CSMD1: variants seen among roughly 807,000 people sequenced by gnomAD.
CSMD1 encodes the protein CUB and sushi domain-containing protein 1.
Under a neutral mutation model 417.5 loss-of-function variants are expected in CSMD1, and 213 were observed. The ratio of observed to expected loss-of-function variants is 0.51; its 90% CI spans 0.46 to 0.57. The LOEUF is 0.57. CSMD1 is among the 20% of genes least tolerant of loss of function. The probability of loss-of-function intolerance (pLI) is 0.00; values close to 1 mark genes in which losing one functional copy is unlikely to be tolerated. For missense variants in CSMD1, 6,923 were observed against 4,529.7 expected, an observed-to-expected ratio of 1.53 and a Z score of -15.17; for synonymous variants, 2,862 against 1,736.8, an observed-to-expected ratio of 1.65 and a Z score of -16.11.
intron 1 of CSMD1, among the ~76,000 whole-genome samples, chr8:4,988,288 C>G (rs2977732): frequency 0.69 from 104,823 of 152,118 alleles, 37,360 homozygotes; most frequent in African/African-American, 0.85. Flanking sequence ...CATTAAGATG[C>G]AAGTATCAAA....
In CSMD1 at chr8:3,237,434, G is replaced by A. The variant is rs569981289; in HGVS notation, c.4154-7203C>T. Among the ~76,000 whole-genome samples the A allele has an allele frequency of 8.6e-5, 13 of 151,064 alleles. No individual in the cohort carries two copies. In the East Asian group the frequency reaches 2.3e-3, roughly 27 times the overall value. Reference sequence around the variant, plus strand: ...ATGGCACCATTGTACTCCAGCATGGGCAACAGGGCGAGACTCCATCTCAAA... The same window carrying A: ...ATGGCACCATTGTACTCCAGCATGGACAACAGGGCGAGACTCCATCTCAAA... On this transcript the variant is annotated intron_variant, in intron 26 of 69. Coordinates refer to ENST00000635120, the MANE Select transcript of CSMD1 (RefSeq NM_033225.6).
intron 21 of CSMD1, among the ~76,000 whole-genome samples, chr8:3,355,366 T>G (rs1170356846): frequency 6.6e-6 from 1 of 152,208 alleles, no homozygotes; most frequent in Admixed American, 6.5e-5. Flanking sequence ...ATATATACTC[T>G]CTAACTTTGC....
At position 4,565,696 on chromosome 8, in the gene CSMD1, T is replaced by C. The variant is rs370349381; in HGVS notation, c.302+71646A>G. Among the ~76,000 whole-genome samples, 14 of 148,126 alleles carry C rather than the reference T, an allele frequency of 9.5e-5. 1 individual carries two copies. The highest frequency in any genetic ancestry group is 2.3e-4 in the African/African-American group (9 of 39,960). On this transcript the variant is annotated intron_variant, in intron 2 of 69. Coordinates refer to ENST00000635120, the MANE Select transcript of CSMD1 (RefSeq NM_033225.6). ...GTTGCAGTGAGCTGGGATTGTGCCA[T>C]TGCACTCCAGCCTGGGTGACAGCGC... is the stretch of plus-strand genomic sequence containing the variant.
At chr8:3,309,733 G>A (rs1459930251) in intron 23 of CSMD1, among the ~76,000 whole-genome samples, 1 of 152,156 alleles carries the variant, frequency 6.6e-6, no homozygotes. Context: ...AAATGAATTT[G>A]TGACTTCTGC....
At chr8:4,554,502 TGTTTA>T (rs1224837700) in intron 2 of CSMD1, among the ~76,000 whole-genome samples, 1 of 152,202 alleles carries the variant, frequency 6.6e-6, no homozygotes, top group African/African-American at 2.4e-5. Context: ...ACAAATTTCC[TGTTTA>T]ATTTGTGGCT....
At chr8:4,354,232 C>T (rs567052575) in intron 3 of CSMD1, among the ~76,000 whole-genome samples, 1 of 152,162 alleles carries the variant, frequency 6.6e-6, no homozygotes, top group Non-Finnish European at 1.5e-5. Flanking sequence ...CCGATATTTC[C>T]ACCTTACCAA....
At chr8:4,293,759 A>T (rs141011549) in intron 3 of CSMD1, among the ~76,000 whole-genome samples, 6 of 152,242 alleles carry the variant, frequency 3.9e-5, no homozygotes, top group African/African-American at 1.2e-4. Flanking sequence ...TTTTTGTCTT[A>T]TATCAGTTTG....
chr8:3,643,735 T>TCTG lies in CSMD1; in HGVS notation c.1010-26941_1010-26939dup, dbSNP rs145425871. Among the ~76,000 whole-genome samples, 924 of 138,496 alleles carry TCTG rather than the reference T, an allele frequency of 6.7e-3. 15 individuals carry two copies. The highest frequency in any genetic ancestry group is 0.025 in the African/African-American group (877 of 35,548). The allele number at this position is 138,496 out of a possible 152,430, so 90.9% of individuals were successfully genotyped here. A position where few individuals can be genotyped will look rare whatever the true frequency, so the allele number is the denominator to read the frequency against. ...AAAAAAAAAAAAAGGAAATGCCTCC[T>TCTG]CTGCCTTTTCCAGCTACTTAATCAC... On this transcript the variant is annotated intron_variant, in intron 7 of 69. Transcript: ENST00000635120.
intron 2 of CSMD1, among the ~76,000 whole-genome samples, chr8:4,605,540 T>G (rs1231350381): frequency 6.6e-6 from 1 of 152,196 alleles, no homozygotes; most frequent in Admixed American, 6.5e-5. Flanking sequence ...AAAATTACAA[T>G]TACGCAAATG....
chr8:3,193,218 T>C (rs17079570), intron 33 of CSMD1, among the ~76,000 whole-genome samples: 22,591 of 152,184 alleles, frequency 0.15, 1,865 homozygotes, highest in East Asian at 0.24. Flanking sequence ...AGGAGAAATA[T>C]AGCACCAAGG....
At chr8:3,293,491 A>G (rs13258062) in intron 25 of CSMD1, among the ~76,000 whole-genome samples, 13,237 of 152,172 alleles carry the variant, frequency 0.087, 755 homozygotes, top group Non-Finnish European at 0.13. Context: ...GTCTTTTCAC[A>G]TAGTCCCATA....
intron 5 of CSMD1, among the ~76,000 whole-genome samples, chr8:3,954,362 G>C (rs956455857): frequency 6.6e-6 from 1 of 150,880 alleles, no homozygotes; most frequent in African/African-American, 2.5e-5. Context: ...TGGGATCCTA[G>C]GACTTTTTTT....
intron 3 of CSMD1, among the ~76,000 whole-genome samples, chr8:4,211,905 T>C (rs975534819): frequency 1.3e-5 from 2 of 152,192 alleles, no homozygotes; most frequent in Non-Finnish European, 2.9e-5. Context: ...TCTTCCAACA[T>C]CATCAATGTA....
intron 8 of CSMD1, among the ~76,000 whole-genome samples, chr8:3,612,985 A>G (rs1212707332): frequency 2.0e-5 from 3 of 152,094 alleles, no homozygotes; most frequent in African/African-American, 7.2e-5. Context: ...TGTATGTAAA[A>G]GTAAATTGTA....
intron 3 of CSMD1, among the ~76,000 whole-genome samples, chr8:4,125,020 A>C (rs914599595): frequency 6.6e-6 from 1 of 151,246 alleles, no homozygotes; most frequent in Non-Finnish European, 1.5e-5. Flanking sequence ...GCCGCCGCAC[A>C]CTCTTGGGGT....
At chr8:3,149,649 T>C (rs186955829) in intron 40 of CSMD1, among the ~76,000 whole-genome samples, 3 of 152,254 alleles carry the variant, frequency 2.0e-5, no homozygotes. Flanking sequence ...AGCTAAGTTT[T>C]GTATTTTTAG....
intron 37 of CSMD1, among the ~76,000 whole-genome samples, chr8:3,167,504 A>G (rs1158473730): frequency 2.6e-5 from 4 of 152,212 alleles, no homozygotes; most frequent in Admixed American, 1.3e-4. Context: ...GGCATTGGGA[A>G]AGGAGGTGGG....
Position 3,513,991 on chromosome 8 carries a change from C to G in CSMD1, c.1345-20265G>C, listed in dbSNP as rs1482056547. Reference sequence around the variant, plus strand: ...AACAGAGAAGGTAGCAGATTCCAATCCAGGCCTTCTTTTTATCGTACAGAA... The same window carrying G: ...AACAGAGAAGGTAGCAGATTCCAATGCAGGCCTTCTTTTTATCGTACAGAA... On this transcript the variant is annotated intron_variant, in intron 10 of 69. Coordinates refer to ENST00000635120, the MANE Select transcript of CSMD1 (RefSeq NM_033225.6). Among the ~76,000 whole-genome samples the G allele has an allele frequency of 4.6e-5, 7 of 152,156 alleles. No individual in the cohort carries two copies. In the East Asian group the frequency reaches 1.2e-3, roughly 25 times the overall value.
At chr8:4,404,045 T>C (rs1389297879) in intron 3 of CSMD1, among the ~76,000 whole-genome samples, 1 of 152,146 alleles carries the variant, frequency 6.6e-6, no homozygotes, top group Admixed American at 6.6e-5. Context: ...CATCCAGACT[T>C]ATCCAAAAAC....
Sources: gnomAD v4.1 joint callset for allele counts (sites outside exome capture counted in the v4.1 genomes callset) on GRCh38, gnomAD v4.1.1 for gene constraint, MANE v1.5 for transcripts, NCBI Gene and HGNC (gene_info 2026-07-23, HGNC 2026-07-21) for gene names.